ANK2: variants seen among roughly 807,000 people sequenced by gnomAD.
ANK2 encodes ankyrin 2, also known as ankyrin-2.
In ANK2, 83 loss-of-function variants were observed where a neutral mutation model predicts 360.5. The observed-to-expected ratio is 0.23, with a 90% CI of 0.19 to 0.28. The LOEUF (loss-of-function observed/expected upper bound fraction) is 0.28. ANK2 is among the 10% of genes least tolerant of loss of function. The pLI is 1.00. For synonymous variants in ANK2, 1,740 were observed against 1,759.5 expected (o/e 0.99, Z 0.28); for missense variants, 4,201 against 4,795.7 (o/e 0.88, Z 3.66).
At chr4:112,727,944 T>A in the ANK2 span, among the ~76,000 whole-genome samples, 3 of 151,782 alleles carry the variant, frequency 2.0e-5, no homozygotes, top group Non-Finnish European at 4.4e-5. Context: ...GCCATTGCAC[T>A]CCAGCCTGGG....
At chr4:113,217,158 T>A (rs888718091) in intron 4 of ANK2, 5 of 152,198 alleles carry the variant, frequency 3.3e-5, no homozygotes, top group African/African-American at 7.2e-5. Context: ...GTCCTTTGTA[T>A]GAAATCATCA....
the ANK2 span, among the ~76,000 whole-genome samples, chr4:112,742,006 A>T: frequency 6.6e-6 from 1 of 152,152 alleles, no homozygotes; most frequent in East Asian, 1.9e-4. Flanking sequence ...CTTAAATAAA[A>T]CAGGGCTGGG....
At chr4:113,004,062 G>A (rs555509216) in intron 2 of ANK2, among the ~76,000 whole-genome samples, 1 of 152,326 alleles carries the variant, frequency 6.6e-6, no homozygotes, top group East Asian at 1.9e-4. Flanking sequence ...GTCACTGTGG[G>A]TGAGTCAGTG....
chr4:112,950,972 C>G (rs1321357636), intron 2 of ANK2, among the ~76,000 whole-genome samples: 4 of 146,600 alleles, frequency 2.7e-5, no homozygotes, highest in Non-Finnish European at 4.5e-5. Context: ...GTCCCAGCTA[C>G]TTGGGAGGCT....
intron 13 of ANK2, among the ~76,000 whole-genome samples, chr4:113,263,697 G>GTT (rs1229888490): frequency 6.6e-6 from 1 of 152,318 alleles, no homozygotes; most frequent in East Asian, 1.9e-4. Flanking sequence ...ATCAAATTTA[G>GTT]TTTATTTGGA....
upstream of ANK2, among the ~76,000 whole-genome samples, chr4:112,816,935 C>T (rs568471043): frequency 7.2e-5 from 11 of 152,190 alleles, no homozygotes; most frequent in East Asian, 3.9e-4. Flanking sequence ...CACTTGAACC[C>T]GGGAGGGGGA....
chr4:112,893,416 G>A (rs114225768), intron 1 of ANK2, among the ~76,000 whole-genome samples: 1,893 of 152,156 alleles, frequency 0.012, 28 homozygotes, highest in African/African-American at 0.034. Flanking sequence ...TCCTACCGCA[G>A]CCTCTCAAAG....
intron 1 of ANK2, among the ~76,000 whole-genome samples, chr4:112,893,895 G>A (rs1386412701): frequency 3.9e-5 from 6 of 152,210 alleles, no homozygotes; most frequent in African/African-American, 1.4e-4. Context: ...TACTGGGGAG[G>A]CTGAGGCACG....
intron 45 of ANK2, chr4:113,373,768 A>G: frequency 2.1e-6 from 1 of 485,426 alleles, no homozygotes; most frequent in African/African-American, 1.9e-5. Context: ...TTTGCTGGGC[A>G]AGCAGTATGC....
chr4:112,733,218 A>AAAT, the ANK2 span, among the ~76,000 whole-genome samples: 2 of 151,914 alleles, frequency 1.3e-5, 1 homozygote. Flanking sequence ...GCTGCCTCAA[A>AAAT]AATAATAATA....
At chr4:113,375,036 A>G in intron 45 of ANK2, 1 of 615,002 alleles carries the variant, frequency 1.6e-6, no homozygotes, top group Non-Finnish European at 2.1e-6. Context: ...GTATCATTCT[A>G]TACATGAATT....
At chr4:113,245,024 A>G (rs890758403) in intron 9 of ANK2, among the ~76,000 whole-genome samples, 1 of 152,150 alleles carries the variant, frequency 6.6e-6, no homozygotes, top group Non-Finnish European at 1.5e-5. Context: ...ATTGATGGGC[A>G]TTTGGCTTGG....
At chr4:113,283,242 A>G (rs2063092036) in intron 18 of ANK2, among the ~76,000 whole-genome samples, 2 of 152,162 alleles carry the variant, frequency 1.3e-5, no homozygotes, top group Non-Finnish European at 2.9e-5. Context: ...TAAATTTCAT[A>G]TGTATAGAGA....
chr4:113,128,249 C>T (rs530301505), intron 1 of ANK2, among the ~76,000 whole-genome samples: 10 of 152,216 alleles, frequency 6.6e-5, no homozygotes, highest in African/African-American at 2.4e-4. Context: ...TGATCCCTGG[C>T]CTCAGTTGTC....
At position 112,979,328 on chromosome 4, in the gene ANK2, G is replaced by A. The variant is rs115204703; in HGVS notation, c.21+74814G>A. Reference sequence around the variant, plus strand: ...AGGCTGTGGCTGGATCAGGTGTACCGCAAGCAGCTTCCAAGGTGGGTACCT... The same window carrying A: ...AGGCTGTGGCTGGATCAGGTGTACCACAAGCAGCTTCCAAGGTGGGTACCT... On this transcript the variant is annotated intron_variant, in intron 2 of 30. Transcript: ENST00000503271. Among the ~76,000 whole-genome samples, 1,430 of 152,308 alleles carry A rather than the reference G, an allele frequency of 9.4e-3. 23 individuals carry two copies. The highest frequency in any genetic ancestry group is 0.031 in the African/African-American group (1,293 of 41,562).
chr4:113,007,928 T>G (rs1347255960), intron 2 of ANK2, among the ~76,000 whole-genome samples: 1 of 152,132 alleles, frequency 6.6e-6, no homozygotes, highest in Non-Finnish European at 1.5e-5. Context: ...CTGTTCCTGA[T>G]TACTGTGTAA....
At chr4:112,917,398 A>G (rs2090193304) in intron 2 of ANK2, among the ~76,000 whole-genome samples, 1 of 152,036 alleles carries the variant, frequency 6.6e-6, no homozygotes, top group Admixed American at 6.5e-5. Context: ...GAAGCAATAT[A>G]CTTATCCTCC....
At chr4:113,236,835 A>G (rs2099387801) in intron 5 of ANK2, 152 bp from the exon 6 acceptor site, 3 of 793,992 alleles carry the variant, frequency 3.8e-6, no homozygotes, top group Non-Finnish European at 6.3e-6. Flanking sequence ...ATGATGGATA[A>G]CTGGTTATAA....
At chr4:112,886,333 G>A (rs771742881) in intron 1 of ANK2, among the ~76,000 whole-genome samples, 6 of 151,998 alleles carry the variant, frequency 3.9e-5, no homozygotes, top group Non-Finnish European at 5.9e-5. Flanking sequence ...CAAAAAGGCC[G>A]CACTCCAGAG....
Sources: gnomAD v4.1 joint callset for allele counts (sites outside exome capture counted in the v4.1 genomes callset) on GRCh38, gnomAD v4.1.1 for gene constraint, MANE v1.5 for transcripts, NCBI Gene and HGNC (gene_info 2026-07-23, HGNC 2026-07-21) for gene names.